The following CDH19 variants were observed in gnomAD, a reference collection of about 807,000 sequenced individuals.
CDH19 encodes cadherin 19.
A neutral mutation model predicts 64.2 loss-of-function variants in CDH19; 67 were observed. The ratio of observed to expected loss-of-function variants is 1.04; its 90% CI spans 0.86 to 1.28. CDH19 has a LOEUF of 1.28. CDH19 is among the 50% of genes most tolerant of loss of function. The pLI is 0.00. For missense variants in CDH19, 1,030 were observed against 929.0 expected, an observed-to-expected ratio of 1.11 and a Z score of -1.41; for synonymous variants, 346 against 319.3, an observed-to-expected ratio of 1.08 and a Z score of -0.89.
intron 9 of CDH19, among the ~76,000 whole-genome samples, chr18:66,526,095 C>A (rs1986210052): frequency 6.6e-6 from 1 of 151,964 alleles, no homozygotes; most frequent in Non-Finnish European, 1.5e-5. Flanking sequence ...TAGTTGTGTG[C>A]ATAATCTAAA....
intron 3 of CDH19, among the ~76,000 whole-genome samples, chr18:66,561,046 T>C (rs1987704182): frequency 6.6e-6 from 1 of 152,074 alleles, no homozygotes. Context: ...ATGAGTTTCT[T>C]AGTTTAACTA....
intron 2 of CDH19, 93 bp from the exon 3 acceptor site, chr18:66,568,803 C>A: frequency 2.0e-6 from 2 of 978,664 alleles, no homozygotes; most frequent in South Asian, 1.8e-5. Context: ...TAATTATTCC[C>A]CAAGTTAATG....
rs1261196694 is a variant in CDH19, at chr18:66,505,048, A to G, written c.2083T>C (p.Phe695Leu). ...AGCTTTTCCAGAATGAATTTCCTGA[A>G]TATGGCACTGTCGGGGCCAACTTGC... ...SLQVGPDSAIFRKFILEKLEE... is the reference protein window; with the variant it reads ...SLQVGPDSAILRKFILEKLEE... Residue 695 changes from phenylalanine (F) to leucine (L), a missense_variant, in exon 12 of 12, where the codon TTC becomes CTC. Physicochemically the swap from Phe to Leu is conservative, Grantham distance 22. Transcript: ENST00000262150. 1.2e-6 allele frequency: 2 copies of G among 1,613,704 alleles called. No individual in the cohort carries two copies. Among genetic ancestry groups the G allele is most frequent in the South Asian group, 2.2e-5 (2 of 91,078 alleles).
intron 11 of CDH19, among the ~76,000 whole-genome samples, chr18:66,507,668 T>G (rs1985268967): frequency 6.6e-6 from 1 of 151,896 alleles, no homozygotes; most frequent in African/African-American, 2.4e-5. Flanking sequence ...AATAGCGCTC[T>G]TTTACTGGGA....
intron 1 of CDH19, among the ~76,000 whole-genome samples, chr18:66,593,180 A>C: frequency 6.6e-6 from 1 of 151,792 alleles, no homozygotes; most frequent in East Asian, 1.9e-4. Flanking sequence ...CCATATACTT[A>C]TTGGCCTTAG....
intron 1 of CDH19, among the ~76,000 whole-genome samples, chr18:66,582,384 A>T (rs989239859): frequency 6.6e-6 from 1 of 152,038 alleles, no homozygotes; most frequent in African/African-American, 2.4e-5. Context: ...GCAGCTTCAC[A>T]GAATGACACC....
chr18:66,577,575 A>C (rs1219765828), intron 1 of CDH19, among the ~76,000 whole-genome samples: 1 of 151,984 alleles, frequency 6.6e-6, no homozygotes, highest in African/African-American at 2.4e-5. Context: ...AAGTGAATAC[A>C]AATTTAGATG....
chr18:66,544,648 C>T (rs1018583403), intron 6 of CDH19, 71 bp downstream of exon 6: 5 of 1,042,074 alleles, frequency 4.8e-6, no homozygotes, highest in Non-Finnish European at 6.8e-6. Flanking sequence ...TAAAAACTAA[C>T]CAGCTACACA....
intron 9 of CDH19, among the ~76,000 whole-genome samples, chr18:66,512,017 C>T (rs1307496372): frequency 6.6e-6 from 1 of 151,438 alleles, no homozygotes; most frequent in East Asian, 1.9e-4. Context: ...ACTCTTTCTT[C>T]CTTCTTAACT....
chr18:66,529,899 A>G lies in CDH19; in HGVS notation c.1404T>C (p.Pro468=), dbSNP rs769914718. ...AAGTCTCATAGTATTGAGAGAACTCAGGAGCATGATCATTGATGTTAAGAA... is the reference window on the plus strand; with the variant it reads ...AAGTCTCATAGTATTGAGAGAACTCGGGAGCATGATCATTGATGTTAAGAA... ...VQVLNINDHA[P]EFSQYYETYV... is the part of the protein sequence containing the mutation. The change falls in exon 9 of 12, where the codon CCT becomes CCC. Residue 468 remains proline (P), a synonymous_variant. Coordinates refer to ENST00000262150, the MANE Select transcript of CDH19 (RefSeq NM_021153.4). The G allele has an allele frequency of 6.3e-7, 1 of 1,593,004 alleles. No homozygotes were observed. Among genetic ancestry groups the G allele is most frequent in the South Asian group, 1.1e-5 (1 of 89,260 alleles).
chr18:66,597,184 G>GAAAAAAAAA (rs1988922021), intron 1 of CDH19, among the ~76,000 whole-genome samples: 1 of 72,452 alleles, frequency 1.4e-5, no homozygotes, highest in African/African-American at 3.3e-5. Context: ...AAAAAAGCTG[G>GAAAAAAAAA]AAGAACCACA....
intron 1 of CDH19, among the ~76,000 whole-genome samples, chr18:66,574,712 A>C (rs1988215407): frequency 6.6e-6 from 1 of 151,732 alleles, no homozygotes; most frequent in East Asian, 1.9e-4. Flanking sequence ...ACAGGTGTTA[A>C]AAAATATTAT....
At chr18:66,521,534 T>TATTTATTTA (rs1568176431) in intron 9 of CDH19, among the ~76,000 whole-genome samples, 5 of 81,580 alleles carry the variant, frequency 6.1e-5, no homozygotes, top group South Asian at 9.2e-4. Flanking sequence ...TTTGTTTGTT[T>TATTTATTTA]GTTTGTTTGT....
chr18:66,568,561 T>G lies in CDH19; in HGVS notation c.345A>C (p.Leu115Phe). The G allele has an allele frequency of 6.2e-7, 1 of 1,612,334 alleles. No individual in the cohort carries two copies. The highest frequency in any genetic ancestry group is 1.7e-5 in the Admixed American group (1 of 59,760). The change falls in exon 3 of 12, where the codon TTA (leucine) becomes TTC (phenylalanine). Residue 115 changes from leucine (L) to phenylalanine (F), a missense_variant. By Grantham distance (22) the Leu-to-Phe change is conservative. Transcript: ENST00000262150. ...LDREERSLYILRAQVIDIATG... is the reference protein window; with the variant it reads ...LDREERSLYIFRAQVIDIATG... ...TAGCGATGTCTATTACCTGGGCTCT[T>G]AAGATGTAGAGGGATCGCTCCTCTC...
chr18:66,549,763 T>G (rs2144509344), intron 5 of CDH19, among the ~76,000 whole-genome samples: 1 of 152,254 alleles, frequency 6.6e-6, no homozygotes, highest in Admixed American at 6.5e-5. Context: ...GTTGTCTGTA[T>G]CATTTAGGTG....
Position 66,501,962 on chromosome 18 carries a change from T to C in CDH19, c.*2850A>G, listed in dbSNP as rs141287931. 95 of 152,210 alleles carry C rather than the reference T, an allele frequency of 6.2e-4. No individual in the cohort carries two copies. Among genetic ancestry groups the C allele is most frequent in the Middle Eastern group, 3.4e-3 (1 of 292 alleles). The allele number at this position is 152,210 out of a possible 1,614,324, so 9.4% of individuals were successfully genotyped here. On this transcript the variant is annotated 3_prime_UTR_variant, in exon 12 of 12. Coordinates refer to ENST00000262150, the MANE Select transcript of CDH19 (RefSeq NM_021153.4). ...TACCATTAAAAATTTGAAGCTTACATACAAAGCTGTGAGTCAACTAAGGGA... is the reference window on the plus strand; with the variant it reads ...TACCATTAAAAATTTGAAGCTTACACACAAAGCTGTGAGTCAACTAAGGGA...
chr18:66,590,293 C>A (rs1307211985), intron 1 of CDH19, among the ~76,000 whole-genome samples: 1 of 151,810 alleles, frequency 6.6e-6, no homozygotes, highest in South Asian at 2.1e-4. Context: ...GATTACTATG[C>A]AAAGATAATG....
intron 1 of CDH19, among the ~76,000 whole-genome samples, chr18:66,584,383 T>C (rs474115): frequency 0.012 from 1,796 of 152,146 alleles, 37 homozygotes; most frequent in African/African-American, 0.041. Context: ...ACACTTACAC[T>C]GTCGGTGAGA....
intron 5 of CDH19, among the ~76,000 whole-genome samples, chr18:66,549,113 G>A (rs1032258741): frequency 5.9e-5 from 9 of 151,960 alleles, no homozygotes; most frequent in African/African-American, 2.2e-4. Context: ...ACCCACACTC[G>A]TATATGAGTG....
Sources: gnomAD v4.1 joint callset for allele counts (sites outside exome capture counted in the v4.1 genomes callset) on GRCh38, gnomAD v4.1.1 for gene constraint, MANE v1.5 for transcripts, NCBI Gene and HGNC (gene_info 2026-07-23, HGNC 2026-07-21) for gene names.